Variants in EYA2 observed in about 807,000 individuals in gnomAD.
The protein encoded by EYA2 is protein phosphatase EYA2.
A neutral mutation model predicts 69.2 loss-of-function variants in EYA2; 31 were observed. The observed-to-expected ratio is 0.45, with a 90% CI of 0.34 to 0.60. EYA2 has a LOEUF of 0.60. Ranked by LOEUF, EYA2 falls within the 20% of genes least tolerant of loss-of-function variation. The pLI is 0.02. For missense variants in EYA2, 622 were observed against 701.2 expected, an observed-to-expected ratio of 0.89 and a Z score of 1.28; for synonymous variants, 257 against 279.4, an observed-to-expected ratio of 0.92 and a Z score of 0.80.
intron 12 of EYA2, among the ~76,000 whole-genome samples, chr20:47,173,535 T>TAAAA (rs2034371854): frequency 1.6e-5 from 1 of 62,586 alleles, no homozygotes; most frequent in Admixed American, 1.2e-4. Flanking sequence ...AAAAAAAACG[T>TAAAA]GCAGGGTCTC....
At chr20:47,093,751 T>C (rs543194987) in intron 8 of EYA2, among the ~76,000 whole-genome samples, 34 of 152,334 alleles carry the variant, frequency 2.2e-4, no homozygotes, top group Admixed American at 1.5e-3. Context: ...CAATTATATC[T>C]TCTAAAGACA....
At chr20:47,086,196 G>A (rs1020966773) in intron 7 of EYA2, among the ~76,000 whole-genome samples, 3 of 152,106 alleles carry the variant, frequency 2.0e-5, no homozygotes, top group Non-Finnish European at 4.4e-5. Flanking sequence ...AAAGAAAAGA[G>A]GTTTAATGGC....
At chr20:47,180,038 ATT>A (rs56740888) in intron 13 of EYA2, 126 bp downstream of exon 13, 200 of 537,896 alleles carry the variant, frequency 3.7e-4, no homozygotes, top group African/African-American at 1.6e-3. Context: ...CTTTCCAAAT[ATT>A]TTTTTTTTTT....
chr20:47,162,802 AG>A (rs2034097850), intron 10 of EYA2, among the ~76,000 whole-genome samples: 1 of 150,172 alleles, frequency 6.7e-6, no homozygotes, highest in South Asian at 2.1e-4. Flanking sequence ...TATAGGTGTG[AG>A]CCACCACACC....
At chr20:47,010,497 GGCACACACGTGCTCCCA>G (rs1335937178) in intron 4 of EYA2, among the ~76,000 whole-genome samples, 1 of 152,072 alleles carries the variant, frequency 6.6e-6, no homozygotes, top group African/African-American at 2.4e-5. Context: ...TGGGCGTGGT[GGCACACACGTGCTCCCA>G]GCTACTAGAG....
At chr20:46,911,909 A>G (rs1181555933) in intron 1 of EYA2, among the ~76,000 whole-genome samples, 1 of 152,208 alleles carries the variant, frequency 6.6e-6, no homozygotes, top group Admixed American at 6.5e-5. Flanking sequence ...TATGTTCTAT[A>G]TCAAAATAGC....
intron 9 of EYA2, among the ~76,000 whole-genome samples, chr20:47,140,432 TTC>T (rs1477202508): frequency 6.6e-6 from 1 of 152,194 alleles, no homozygotes. Flanking sequence ...CTGCATTTTT[TTC>T]TTTCTTTTTT....
rs370935322 is a variant in EYA2, at chr20:47,074,211, C to G, written c.537C>G (p.Gly179=). The part of the protein sequence containing the change: ...FPQSQYPQYY[G]SSYNPPYVPA... ...AGAGCCAGTACCCCCAGTATTACGG[C>G]TCATCCTACAACCCTCCCTACGTCC... Residue 179 remains glycine, a synonymous_variant, in exon 7 of 16, where the codon GGC becomes GGG. Transcript: ENST00000327619. 24 of 1,613,974 alleles carry G rather than the reference C, an allele frequency of 1.5e-5. No individual in the cohort carries two copies. The highest frequency in any genetic ancestry group is 2.0e-5 in the Non-Finnish European group (24 of 1,179,992).
At chr20:46,979,469 A>AT (rs925525921) in intron 1 of EYA2, 115 of 148,216 alleles carry the variant, frequency 7.8e-4, no homozygotes, top group South Asian at 3.4e-3. Flanking sequence ...CAAAGAAAGA[A>AT]TTTTTTTTTT....
intron 1 of EYA2, among the ~76,000 whole-genome samples, chr20:46,897,163 G>T (rs1226213637): frequency 1.3e-5 from 2 of 152,176 alleles, no homozygotes; most frequent in Non-Finnish European, 2.9e-5. Context: ...TTTCAAATAT[G>T]TGGTATTACT....
chr20:47,008,107 C>T (rs1982832702), intron 4 of EYA2, among the ~76,000 whole-genome samples: 1 of 152,204 alleles, frequency 6.6e-6, no homozygotes, highest in Non-Finnish European at 1.5e-5. Context: ...ACTCTAGAGG[C>T]AGAATTGACA....
chr20:47,042,919 C>T (rs1568741599), intron 5 of EYA2, among the ~76,000 whole-genome samples: 2 of 152,134 alleles, frequency 1.3e-5, no homozygotes, highest in East Asian at 3.8e-4. Flanking sequence ...CTCTTGGCTG[C>T]AAGGGAGATA....
intron 9 of EYA2, among the ~76,000 whole-genome samples, chr20:47,109,593 C>T (rs1312961760): frequency 1.3e-5 from 2 of 152,098 alleles, no homozygotes; most frequent in East Asian, 1.9e-4. Flanking sequence ...ATGTTGCCCA[C>T]GCTAGTCTCG....
intron 10 of EYA2, among the ~76,000 whole-genome samples, chr20:47,155,541 A>G (rs1308055315): frequency 3.3e-5 from 5 of 151,912 alleles, no homozygotes; most frequent in Non-Finnish European, 7.4e-5. Flanking sequence ...ATGTATCCCC[A>G]TGTTAGAGAT....
intron 1 of EYA2, among the ~76,000 whole-genome samples, chr20:46,989,543 A>C (rs1359097279): frequency 6.6e-6 from 1 of 152,210 alleles, no homozygotes; most frequent in Non-Finnish European, 1.5e-5. Flanking sequence ...CTGGGATTAC[A>C]GGCATGTGCC....
At chr20:47,011,517 C>G (rs1404505166) in intron 4 of EYA2, among the ~76,000 whole-genome samples, 1 of 152,162 alleles carries the variant, frequency 6.6e-6, no homozygotes, top group East Asian at 1.9e-4. Context: ...TCTCCCCAAC[C>G]CTTACCCCAC....
rs370073467 is a variant in EYA2, at chr20:47,172,777, G to C, written c.1108G>C (p.Val370Leu). The change falls in exon 12 of 16, where the codon GTG (valine) becomes CTG (leucine). Residue 370 changes from valine to leucine, a missense_variant. Physicochemically the swap from Val to Leu is conservative, Grantham distance 32. Around this residue, in one of 2 missense-constraint regions of EYA2, gnomAD observed 257 missense variants for 351.5 expected, o/e 0.73. Transcript: ENST00000327619. ...AGCCAACCTGTGCCTGGGCTCTGGC[G>C]TGCACGGCGGCGTGGACTGGATGAG... ...PGANLCLGSG[V>L]HGGVDWMRKL... The C allele has an allele frequency of 4.3e-6, 7 of 1,614,144 alleles. 1 individual carries two copies. In the South Asian group the frequency reaches 7.7e-5, roughly 18 times the overall value.
chr20:47,023,641 T>TTTTG (rs1555813793), intron 5 of EYA2, among the ~76,000 whole-genome samples: 7 of 140,360 alleles, frequency 5.0e-5, no homozygotes, highest in East Asian at 4.1e-4. Context: ...TGTTTTTTTT[T>TTTTG]TTTTTTTTTT....
intron 9 of EYA2, 53 bp downstream of exon 9, chr20:47,097,221 C>A: frequency 7.1e-7 from 1 of 1,403,818 alleles, no homozygotes; most frequent in South Asian, 1.2e-5. Context: ...ACGTTATTGT[C>A]CAGCCAGTTT....
Sources: gnomAD v4.1 joint callset for allele counts (sites outside exome capture counted in the v4.1 genomes callset) on GRCh38, gnomAD v4.1.1 for gene constraint, gnomAD v4.1.1 regional missense constraint, MANE v1.5 for transcripts, NCBI Gene and HGNC (gene_info 2026-07-23, HGNC 2026-07-21) for gene names.